LCOR: variants seen among roughly 807,000 people sequenced by gnomAD.
LCOR encodes ligand-dependent corepressor.
A neutral mutation model predicts 64.4 loss-of-function variants in LCOR; 14 were observed. The ratio of observed to expected loss-of-function variants is 0.22; its 90% CI spans 0.14 to 0.34. LCOR has a LOEUF of 0.34. Among genes scored for constraint, LCOR ranks in the 10% least tolerant of loss-of-function variants. The probability of loss-of-function intolerance (pLI) is 1.00; values close to 1 mark genes in which losing one functional copy is unlikely to be tolerated. For missense variants in LCOR, 1,686 were observed against 1,765.3 expected, an observed-to-expected ratio of 0.96 and a Z score of 0.80; for synonymous variants, 643 against 642.5, an observed-to-expected ratio of 1.00 and a Z score of -0.01.
intron 7 of LCOR, chr10:96,957,259 A>G (rs1847799527): frequency 1.0e-6 from 1 of 984,598 alleles, no homozygotes; most frequent in Non-Finnish European, 1.2e-6. Flanking sequence ...ACTTTTTCTG[A>G]TAATTAGCTG....
chr10:96,867,973 C>G (rs1415433143), intron 2 of LCOR, among the ~76,000 whole-genome samples: 1 of 152,092 alleles, frequency 6.6e-6, no homozygotes, highest in Admixed American at 6.5e-5. Context: ...CAACCTCCGC[C>G]TCCCGGGTTC....
chr10:96,842,909 G>A (rs1440315220), intron 2 of LCOR, among the ~76,000 whole-genome samples: 2 of 152,114 alleles, frequency 1.3e-5, no homozygotes, highest in Non-Finnish European at 2.9e-5. Context: ...GGGATTACAG[G>A]TGTGAGCCAT....
chr10:96,920,004 A>G (rs1329805297), intron 4 of LCOR, among the ~76,000 whole-genome samples: 1 of 152,070 alleles, frequency 6.6e-6, no homozygotes, highest in African/African-American at 2.4e-5. Flanking sequence ...TTTTTTGTGT[A>G]TACCTAGAAA....
rs1564594710 is a variant in LCOR, at chr10:96,832,399, G to A, written c.-404G>A. On this transcript the variant is annotated splice_region_variant and 5_prime_UTR_variant, in exon 1 of 8. Coordinates refer to ENST00000421806, the MANE Select transcript of LCOR (RefSeq NM_001346516.2). ...GCGCCACAAGCTCATTCACTGTGTA[G>A]GTGAGACCCTCCGCCGACCGCCGCC... The A allele has an allele frequency of 3.1e-6, 3 of 983,506 alleles. No homozygotes were observed. The highest frequency in any genetic ancestry group is 3.6e-6 in the Non-Finnish European group (3 of 827,892). The allele number at this position is 983,506 out of a possible 1,614,324, so 60.9% of individuals were successfully genotyped here. A position where few individuals can be genotyped will look rare whatever the true frequency, so the allele number is the denominator to read the frequency against.
intron 2 of LCOR, among the ~76,000 whole-genome samples, chr10:96,839,552 C>T (rs967201176): frequency 6.6e-6 from 1 of 152,192 alleles, no homozygotes; most frequent in Non-Finnish European, 1.5e-5. Flanking sequence ...TGAATCTGTT[C>T]CATTTCTGAG....
At chr10:96,874,599 T>C (rs1846132740) in intron 2 of LCOR, among the ~76,000 whole-genome samples, 1 of 152,116 alleles carries the variant, frequency 6.6e-6, no homozygotes, top group Non-Finnish European at 1.5e-5. Flanking sequence ...TAATAGACCA[T>C]GTACTCTACC....
intron 7 of LCOR, chr10:96,958,399 A>G (rs1414779678): frequency 2.6e-6 from 4 of 1,519,450 alleles, no homozygotes; most frequent in Middle Eastern, 3.4e-4. Flanking sequence ...AATATTTTCT[A>G]TGTGTGTTTC....
At chr10:96,893,915 A>T (rs961352378) in intron 2 of LCOR, among the ~76,000 whole-genome samples, 1 of 152,166 alleles carries the variant, frequency 6.6e-6, no homozygotes, top group Non-Finnish European at 1.5e-5. Context: ...TTACACTACA[A>T]CAGTGAATGT....
At chr10:96,893,055 C>A (rs1179529258) in intron 2 of LCOR, among the ~76,000 whole-genome samples, 3 of 152,000 alleles carry the variant, frequency 2.0e-5, no homozygotes, top group Admixed American at 2.0e-4. Flanking sequence ...CATTTTGATT[C>A]CCTTCTCATT....
chr10:96,920,384 ATATATATGTG>A (rs143044858), intron 4 of LCOR, among the ~76,000 whole-genome samples: 17 of 146,900 alleles, frequency 1.2e-4, no homozygotes, highest in South Asian at 2.1e-4. Context: ...CTTCATTCAT[ATATATATGTG>A]TATATATGTG....
intron 4 of LCOR, among the ~76,000 whole-genome samples, chr10:96,934,228 A>C (rs1847310112): frequency 6.6e-6 from 1 of 152,208 alleles, no homozygotes; most frequent in South Asian, 2.1e-4. Context: ...GTTTTTGTGT[A>C]ACTGAATTTA....
intron 7 of LCOR, among the ~76,000 whole-genome samples, chr10:96,977,140 G>T (rs1848046285): frequency 6.6e-6 from 1 of 152,202 alleles, no homozygotes; most frequent in Non-Finnish European, 1.5e-5. Context: ...AGCAACAGAA[G>T]TTGTGGTTAG....
At chr10:96,957,965 C>T in intron 7 of LCOR, 1 of 987,714 alleles carries the variant, frequency 1.0e-6, no homozygotes, top group Non-Finnish European at 1.2e-6. Flanking sequence ...CTGGAAGTTG[C>T]AATAAAAATT....
intron 4 of LCOR, among the ~76,000 whole-genome samples, chr10:96,923,928 A>G (rs1847123863): frequency 6.6e-6 from 1 of 152,212 alleles, no homozygotes; most frequent in South Asian, 2.1e-4. Context: ...TCTGGCCTGT[A>G]AAACCTAAAA....
rs1362696721 is a variant in LCOR, at chr10:96,984,861, C to T, written c.4401C>T (p.Ser1467=). The part of the protein sequence containing the change: ...VKIPKKSAGK[S]CPPSRKEKEN... ...TCCCTAAAAAGTCCGCTGGGAAGAG[C>T]TGCCCTCCCTCCAGGAAAGAAAAAG... The change falls in exon 8 of 8, where the codon AGC becomes AGT. Residue 1467 remains serine, a synonymous_variant. Coordinates refer to ENST00000421806, the MANE Select transcript of LCOR (RefSeq NM_001346516.2). 6.2e-7 allele frequency: 1 copy of T among 1,614,086 alleles called. No homozygotes were observed. The highest frequency in any genetic ancestry group is 8.5e-7 in the Non-Finnish European group (1 of 1,180,018).
chr10:96,970,177 C>A (rs1419217782), intron 7 of LCOR, among the ~76,000 whole-genome samples: 1 of 151,684 alleles, frequency 6.6e-6, no homozygotes, highest in African/African-American at 2.4e-5. Flanking sequence ...GCAGGCAGAT[C>A]ACCTGAGCTC....
In LCOR at chr10:96,982,544, TAGTC is replaced by T. The variant is rs1564645953; in HGVS notation, c.2088_2091del (p.Ser697GlufsTer21). On this transcript the variant is annotated frameshift_variant, in exon 8 of 8. Coordinates refer to ENST00000421806, the MANE Select transcript of LCOR (RefSeq NM_001346516.2). LOFTEE classifies it low-confidence loss of function (END_TRUNC). ...TCTAGGCCTCATTCTCCTCCTGAAA[TAGTC>T]AGTAGAGAAGAAAGTCCTCAGTGCT... 1 of 1,614,098 alleles carries T rather than the reference TAGTC, an allele frequency of 6.2e-7. No individual in the cohort carries two copies. Among genetic ancestry groups the T allele is most frequent in the Non-Finnish European group, 8.5e-7 (1 of 1,180,038 alleles).
chr10:96,883,619 T>C (rs1279066333), intron 2 of LCOR, among the ~76,000 whole-genome samples: 2 of 152,254 alleles, frequency 1.3e-5, no homozygotes, highest in African/African-American at 4.8e-5. Context: ...AACTTTCATA[T>C]GCTTACTTGC....
chr10:96,863,745 A>T (rs1845927299), intron 2 of LCOR, among the ~76,000 whole-genome samples: 1 of 152,120 alleles, frequency 6.6e-6, no homozygotes, highest in Admixed American at 6.5e-5. Context: ...TTGGTCTTGT[A>T]TTTACCTTAG....
Sources: allele counts gnomAD v4.1 joint callset (sites outside exome capture counted in the v4.1 genomes callset), GRCh38; gene constraint gnomAD v4.1.1; transcripts MANE v1.5; gene names NCBI Gene and HGNC (gene_info 2026-07-23, HGNC 2026-07-21).